PARVG: variants seen among roughly 807,000 people sequenced by gnomAD.
PARVG encodes the protein parvin gamma.
Under a neutral mutation model 44.4 loss-of-function variants are expected in PARVG, and 36 were observed. That is an observed-to-expected ratio of 0.81 (90% confidence interval 0.62 to 1.07). PARVG has a LOEUF of 1.07. Ranked by LOEUF, PARVG falls within the 50% of genes least tolerant of loss-of-function variation. The pLI, the probability that PARVG is intolerant of heterozygous loss-of-function variation, is 0.00. For synonymous variants in PARVG, 170 were observed against 174.1 expected (o/e 0.98, Z 0.19); for missense variants, 407 against 407.4 (o/e 1.00, Z 0.01).
At chr22:44,201,432 C>T (rs991470870) in intron 12 of PARVG, among the ~76,000 whole-genome samples, 8 of 152,066 alleles carry the variant, frequency 5.3e-5, no homozygotes, top group Non-Finnish European at 1.0e-4. Flanking sequence ...CCATGTCCCT[C>T]GCCCCCACGG....
intron 5 of PARVG, 115 bp downstream of exon 5, chr22:44,187,993 G>T: frequency 9.5e-7 from 1 of 1,053,758 alleles, no homozygotes; most frequent in South Asian, 1.3e-5. Flanking sequence ...CCGGGTTTAG[G>T]GACACCTGTC....
At chr22:44,196,533 G>A in intron 11 of PARVG, 118 bp downstream of exon 11, 1 of 1,232,090 alleles carries the variant, frequency 8.1e-7, no homozygotes, top group Non-Finnish European at 1.2e-6. Flanking sequence ...ACCTCTTGGA[G>A]CCTTAGGGTC....
chr22:44,205,219 C>T (rs1276954827), intron 12 of PARVG, among the ~76,000 whole-genome samples: 1 of 152,210 alleles, frequency 6.6e-6, no homozygotes, highest in African/African-American at 2.4e-5. Context: ...AGCGGACAGA[C>T]CTGGTTTGAG....
intron 12 of PARVG, among the ~76,000 whole-genome samples, chr22:44,199,620 T>C (rs1440388684): frequency 6.6e-6 from 1 of 152,176 alleles, no homozygotes; most frequent in Non-Finnish European, 1.5e-5. Context: ...ACGTGTTGGT[T>C]CAGATGCCTG....
chr22:44,186,832 A>T, intron 4 of PARVG: 1 of 376,670 alleles, frequency 2.7e-6, no homozygotes, highest in African/African-American at 2.1e-5. Flanking sequence ...TGGAGCCAGC[A>T]TAGAGCAAGT....
At chr22:44,197,469 G>A (rs1400829496) in intron 11 of PARVG, among the ~76,000 whole-genome samples, 2 of 152,208 alleles carry the variant, frequency 1.3e-5, no homozygotes, top group Non-Finnish European at 2.9e-5. Flanking sequence ...TTGAACCCAG[G>A]CAGCTGGGGC....
intron 12 of PARVG, among the ~76,000 whole-genome samples, chr22:44,201,694 T>C (rs184123093): frequency 6.6e-6 from 1 of 152,296 alleles, no homozygotes; most frequent in Non-Finnish European, 1.5e-5. Flanking sequence ...CTGAAAACCA[T>C]GCTCATTTCT....
Position 44,189,340 on chromosome 22 carries a change from C to A in PARVG, c.388+86C>A, listed in dbSNP as rs943377277. ...TCAGGCTTCTCACCCACCAGGAAGG[C>A]GCACTCATCCTTCTCCCAGCAGGGG... On this transcript the variant is annotated intron_variant, in intron 6 of 13. Transcript: ENST00000444313. 1.9e-5 allele frequency: 29 copies of A among 1,530,280 alleles called. No homozygotes were observed. In the African/African-American group the frequency reaches 3.4e-4, roughly 18 times the overall value. The allele number at this position is 1,530,280 out of a possible 1,614,324, so 94.8% of individuals were successfully genotyped here.
Position 44,206,456 on chromosome 22 carries a change from C to A in PARVG, c.*30C>A. 1 of 1,601,278 alleles carries A rather than the reference C, an allele frequency of 6.2e-7. No individual in the cohort carries two copies. The highest frequency in any genetic ancestry group is 8.6e-7 in the Non-Finnish European group (1 of 1,168,602). On this transcript the variant is annotated 3_prime_UTR_variant, in exon 14 of 14. Coordinates refer to ENST00000444313, the MANE Select transcript of PARVG (RefSeq NM_022141.7). ...CACTGCCTCCAAAGCCCAGAGCCTG[C>A]CTGTCAGCCCAGCTGGAGGGCCCGA... is the stretch of plus-strand genomic sequence containing the variant.
At chr22:44,198,781 C>G (rs1460849279) in intron 12 of PARVG, 59 bp downstream of exon 12, 25 of 1,310,404 alleles carry the variant, frequency 1.9e-5, no homozygotes, top group Non-Finnish European at 2.8e-5. Flanking sequence ...ATATACAGAA[C>G]TGGCATGACC....
Position 44,189,218 on chromosome 22 carries a change from C to T in PARVG, c.352C>T (p.Gln118Ter). ...GCTGGAGGCCGTGAACCGGAGTCTGCAGCTGGAGGAGTGGCAGGCCAAGTG... is the reference window on the plus strand; with the variant it reads ...GCTGGAGGCCGTGAACCGGAGTCTGTAGCTGGAGGAGTGGCAGGCCAAGTG... ...VVLEAVNRSL[Q>*]LEEWQAKWSV... is the part of the protein sequence containing the mutation. The change falls in exon 6 of 14, where the codon CAG (glutamine) becomes TAG (stop). Residue 118 changes from glutamine to a stop codon, truncating the protein, a stop_gained. Transcript: ENST00000444313. LOFTEE classifies it high-confidence loss of function. 6 of 1,614,204 alleles carry T rather than the reference C, an allele frequency of 3.7e-6. No homozygotes were observed. Among genetic ancestry groups the T allele is most frequent in the Non-Finnish European group, 5.1e-6 (6 of 1,180,024 alleles).
chr22:44,183,030 CG>C, intron 2 of PARVG: 1 of 414,914 alleles, frequency 2.4e-6, no homozygotes, highest in Non-Finnish European at 4.3e-6. Context: ...GCACGGTGGG[CG>C]GCCGCTCTGC....
At chr22:44,194,818 CAT>C (rs1412090153) in intron 9 of PARVG, among the ~76,000 whole-genome samples, 1 of 151,682 alleles carries the variant, frequency 6.6e-6, no homozygotes, top group Non-Finnish European at 1.5e-5. Flanking sequence ...CCCACCTATC[CAT>C]ATATTCATCC....
upstream of PARVG, among the ~76,000 whole-genome samples, chr22:44,177,246 T>C (rs901037761): frequency 3.9e-5 from 6 of 152,212 alleles, no homozygotes; most frequent in African/African-American, 1.4e-4. Flanking sequence ...ATTTTCTGAA[T>C]CTTTGAGGGT....
intron 4 of PARVG, 44 bp downstream of exon 4, chr22:44,185,916 G>T (rs780009088): frequency 1.1e-5 from 18 of 1,568,404 alleles, no homozygotes; most frequent in Non-Finnish European, 1.6e-5. Context: ...GTGCCTCTTG[G>T]CAGACCAGGC....
At chr22:44,186,716 A>G in intron 4 of PARVG, 1 of 466,462 alleles carries the variant, frequency 2.1e-6, no homozygotes, top group South Asian at 1.6e-5. Flanking sequence ...GGATGCCAGT[A>G]GTTGAGTTGG....
rs927676268 is a variant in PARVG, at chr22:44,202,524, C to T, written c.814-3233C>T. 4.6e-5 allele frequency among the ~76,000 whole-genome samples: 7 copies of T among 152,220 alleles called. No individual in the cohort carries two copies. In the South Asian group the frequency reaches 1.5e-3, roughly 32 times the overall value. On this transcript the variant is annotated intron_variant, in intron 12 of 13. Transcript: ENST00000444313. ...CTGTGTGCAGCCGCTTTGCTGAATC[C>T]ACTGATTTTAGAACTTACTTCTGAA...
rs1379023803 is a variant in PARVG, at chr22:44,208,386, C to T, written c.*1960C>T. On this transcript the variant is annotated 3_prime_UTR_variant, in exon 14 of 14. Coordinates refer to ENST00000444313, the MANE Select transcript of PARVG (RefSeq NM_022141.7). ...TGCAGCCAGTTCCCTTCTCCCAGCC[C>T]CTGGCCCTGGGGACCACTGATCTGT... 1 of 152,184 alleles carries T rather than the reference C, an allele frequency of 6.6e-6. No homozygotes were observed. Among genetic ancestry groups the T allele is most frequent in the Admixed American group, 6.5e-5 (1 of 15,276 alleles). 9.4% of individuals were successfully genotyped at this position (152,184 alleles called of 1,614,324 possible).
At chr22:44,198,989 T>TCCACCCACCCACCCACC (rs1300207001) in intron 12 of PARVG, among the ~76,000 whole-genome samples, 14 of 33,374 alleles carry the variant, frequency 4.2e-4, no homozygotes, top group Admixed American at 8.1e-4. Context: ...CATCCATCCA[T>TCCACCCACCCACCCACC]CATCTACCTA....
Sources: allele counts gnomAD v4.1 joint callset (sites outside exome capture counted in the v4.1 genomes callset), GRCh38; gene constraint gnomAD v4.1.1; transcripts MANE v1.5; gene names NCBI Gene and HGNC (gene_info 2026-07-23, HGNC 2026-07-21).